Variants in MAPKAP1 observed in about 807,000 individuals in gnomAD.
The protein encoded by MAPKAP1 is MAPK associated protein 1.
MAPKAP1 carries 20 observed loss-of-function variants against 65.7 expected under a neutral mutation model. The ratio of observed to expected loss-of-function variants is 0.30; its 90% confidence interval spans 0.21 to 0.44. The LOEUF (loss-of-function observed/expected upper bound fraction) is 0.44, where lower values mean the gene tolerates loss of function less well. Among genes scored for constraint, MAPKAP1 ranks in the 20% least tolerant of loss-of-function variants. The pLI, the probability that MAPKAP1 is intolerant of heterozygous loss-of-function variation, is 1.00. For synonymous variants in MAPKAP1, 222 were observed against 244.3 expected (o/e 0.91, Z 0.85); for missense variants, 423 against 648.0 (o/e 0.65, Z 3.77).
intron 4 of MAPKAP1, among the ~76,000 whole-genome samples, chr9:125,603,145 A>C (rs992208324): frequency 6.6e-6 from 1 of 151,892 alleles, no homozygotes. Flanking sequence ...CTGGGCTCAA[A>C]CGAGCCTCCC....
At chr9:125,670,024 G>A in intron 2 of MAPKAP1, 117 bp from the exon 3 acceptor site, 1 of 550,398 alleles carries the variant, frequency 1.8e-6, no homozygotes, top group Non-Finnish European at 3.1e-6. Context: ...TAGAGAAAAA[G>A]TCATAAAATT....
chr9:125,660,358 T>C (rs1023581345), intron 3 of MAPKAP1, among the ~76,000 whole-genome samples: 3 of 152,188 alleles, frequency 2.0e-5, no homozygotes, highest in Non-Finnish European at 2.9e-5. Flanking sequence ...GTTATATAAA[T>C]GTATATGTCT....
intron 1 of MAPKAP1, among the ~76,000 whole-genome samples, chr9:125,686,124 G>T (rs1339565223): frequency 6.6e-6 from 1 of 151,994 alleles, no homozygotes; most frequent in Admixed American, 6.6e-5. Context: ...AGACCATCCT[G>T]GCTAACACGG....
intron 5 of MAPKAP1, among the ~76,000 whole-genome samples, chr9:125,570,122 C>A (rs1412538001): frequency 6.6e-6 from 1 of 152,052 alleles, no homozygotes; most frequent in African/African-American, 2.4e-5. Context: ...ACTAGCCATG[C>A]CCCCTAGCTA....
At chr9:125,575,648 C>A (rs564748445) in intron 5 of MAPKAP1, among the ~76,000 whole-genome samples, 5 of 152,126 alleles carry the variant, frequency 3.3e-5, no homozygotes, top group Non-Finnish European at 7.3e-5. Context: ...ATTAAAACAA[C>A]GACATACCAC....
chr9:125,701,301 AAAGTAT>A (rs1835588514), intron 1 of MAPKAP1, among the ~76,000 whole-genome samples: 1 of 152,228 alleles, frequency 6.6e-6, no homozygotes, highest in Non-Finnish European at 1.5e-5. Context: ...ATCAGTAATA[AAAGTAT>A]ATTAGTAAAA....
At chr9:125,574,016 A>G (rs962682213) in intron 5 of MAPKAP1, among the ~76,000 whole-genome samples, 1 of 152,234 alleles carries the variant, frequency 6.6e-6, no homozygotes, top group Non-Finnish European at 1.5e-5. Flanking sequence ...ACCACTGTAT[A>G]CCCAGCAAAA....
rs554535084 is a variant in MAPKAP1, at chr9:125,530,228, C to T, written c.958+12831G>A. On this transcript the variant is annotated intron_variant, in intron 7 of 11. Transcript: ENST00000265960. ...CTTACAGCTACTAATAGGATAAACA[C>T]ATCAAATGGCCTGACCGAAGAAAGA... Among the ~76,000 whole-genome samples, 113 of 152,248 alleles carry T rather than the reference C, an allele frequency of 7.4e-4. 1 individual carries two copies. The highest frequency in any genetic ancestry group is 2.5e-3 in the African/African-American group (104 of 41,540).
At chr9:125,654,346 A>G (rs1311048880) in intron 4 of MAPKAP1, among the ~76,000 whole-genome samples, 3 of 152,214 alleles carry the variant, frequency 2.0e-5, no homozygotes, top group Non-Finnish European at 2.9e-5. Context: ...ATTCAGGCAG[A>G]TGGCTGAGGC....
intron 6 of MAPKAP1, among the ~76,000 whole-genome samples, chr9:125,556,970 C>T (rs1277831475): frequency 2.6e-5 from 4 of 152,160 alleles, no homozygotes; most frequent in East Asian, 1.9e-4. Context: ...CACTTTACCT[C>T]GTGTTTTCAG....
chr9:125,687,695 G>C (rs1835026953), intron 1 of MAPKAP1, among the ~76,000 whole-genome samples: 1 of 151,936 alleles, frequency 6.6e-6, no homozygotes, highest in African/African-American at 2.4e-5. Context: ...TGAGATGGGA[G>C]AATCACTTGA....
chr9:125,548,777 CAAT>C (rs752731585), intron 6 of MAPKAP1, among the ~76,000 whole-genome samples: 87 of 152,200 alleles, frequency 5.7e-4, no homozygotes, highest in Admixed American at 1.5e-3. Flanking sequence ...AATGATGAGA[CAAT>C]AATATTCAAT....
At chr9:125,450,473 C>A (rs1852903367) in intron 10 of MAPKAP1, among the ~76,000 whole-genome samples, 1 of 152,148 alleles carries the variant, frequency 6.6e-6, no homozygotes, top group Non-Finnish European at 1.5e-5. Flanking sequence ...TACCATACCC[C>A]TTTCCCTGTT....
intron 7 of MAPKAP1, among the ~76,000 whole-genome samples, chr9:125,520,932 C>T (rs894662807): frequency 3.3e-5 from 5 of 152,174 alleles, no homozygotes; most frequent in African/African-American, 7.2e-5. Flanking sequence ...TGACAGGGTC[C>T]AATCCCTCAT....
intron 4 of MAPKAP1, among the ~76,000 whole-genome samples, chr9:125,603,147 G>A (rs1025406687): frequency 3.3e-5 from 5 of 151,632 alleles, no homozygotes; most frequent in East Asian, 3.9e-4. Flanking sequence ...GGGCTCAAAC[G>A]AGCCTCCCAC....
chr9:125,538,529 A>ATT (rs36039886), intron 7 of MAPKAP1, among the ~76,000 whole-genome samples: 4 of 145,362 alleles, frequency 2.8e-5, no homozygotes, highest in African/African-American at 7.5e-5. Context: ...TTTTACTACA[A>ATT]TTTTTTTTTT....
At chr9:125,646,898 A>G (rs1343879530) in intron 4 of MAPKAP1, among the ~76,000 whole-genome samples, 1 of 152,208 alleles carries the variant, frequency 6.6e-6, no homozygotes, top group Non-Finnish European at 1.5e-5. Flanking sequence ...TTTTAATTCA[A>G]TCTGGCCCTA....
At chr9:125,597,997 C>G (rs1351860518) in intron 4 of MAPKAP1, among the ~76,000 whole-genome samples, 1 of 151,584 alleles carries the variant, frequency 6.6e-6, no homozygotes, top group Non-Finnish European at 1.5e-5. Context: ...AAGTAATAAT[C>G]TCAAACAAAA....
At chr9:125,689,436 GAAAAAAAAA>G (rs911746619) in intron 1 of MAPKAP1, among the ~76,000 whole-genome samples, 2 of 15,264 alleles carry the variant, frequency 1.3e-4, no homozygotes, top group South Asian at 2.2e-3. Context: ...CTCCATCTCG[GAAAAAAAAA>G]AAAAAAAAAA....
Sources: gnomAD v4.1 joint callset for allele counts (sites outside exome capture counted in the v4.1 genomes callset) on GRCh38, gnomAD v4.1.1 for gene constraint, MANE v1.5 for transcripts, NCBI Gene and HGNC (gene_info 2026-07-23, HGNC 2026-07-21) for gene names.